GPHN: variants seen among roughly 807,000 people sequenced by gnomAD.
GPHN encodes the protein gephyrin.
Under a neutral mutation model 95.5 loss-of-function variants are expected in GPHN, and 17 were observed. The ratio of observed to expected loss-of-function variants is 0.18; its 90% CI spans 0.12 to 0.27. The LOEUF (loss-of-function observed/expected upper bound fraction) is 0.27. Ranked by LOEUF, GPHN falls within the 10% of genes least tolerant of loss-of-function variation. The probability of loss-of-function intolerance (pLI) is 1.00; values close to 1 mark genes in which losing one functional copy is unlikely to be tolerated. For synonymous variants in GPHN, 320 were observed against 322.5 expected, an observed-to-expected ratio of 0.99 and a Z score of 0.08; for missense variants, 660 against 978.1, an observed-to-expected ratio of 0.67 and a Z score of 4.34.
the GPHN span, chr14:67,613,691 C>G: frequency 1.8e-5 from 4 of 219,078 alleles, no homozygotes; most frequent in Non-Finnish European, 3.9e-5. Flanking sequence ...TACCCATAAA[C>G]ACTGCCATCA....
At chr14:67,088,617 G>T (rs931937517) in intron 11 of GPHN, among the ~76,000 whole-genome samples, 25 of 152,092 alleles carry the variant, frequency 1.6e-4, no homozygotes, top group Admixed American at 1.2e-3. Flanking sequence ...TAGATTTCTA[G>T]AAGTGAAACT....
intron 3 of GPHN, among the ~76,000 whole-genome samples, chr14:66,791,708 C>T (rs2059976175): frequency 6.6e-6 from 1 of 152,158 alleles, no homozygotes; most frequent in Non-Finnish European, 1.5e-5. Flanking sequence ...ACTGTCATTG[C>T]CATCTTGGTT....
chr14:67,107,776 A>G (rs1013753222), intron 13 of GPHN, among the ~76,000 whole-genome samples: 8 of 152,142 alleles, frequency 5.3e-5, no homozygotes, highest in African/African-American at 1.7e-4. Context: ...CAACACAGAA[A>G]TGACTCAACT....
At chr14:67,319,544 C>T in the GPHN span, among the ~76,000 whole-genome samples, 51 of 145,834 alleles carry the variant, frequency 3.5e-4, no homozygotes, top group South Asian at 1.5e-3. Context: ...CCCTGGGCCA[C>T]ATTAGAAGAA....
the GPHN span, among the ~76,000 whole-genome samples, chr14:67,221,020 G>T: frequency 6.6e-6 from 1 of 152,256 alleles, no homozygotes; most frequent in Admixed American, 6.5e-5. Flanking sequence ...AATGTGTCAA[G>T]AAATAAGAAT....
chr14:66,868,263 A>T (rs2063301470), intron 4 of GPHN, among the ~76,000 whole-genome samples: 1 of 152,206 alleles, frequency 6.6e-6, no homozygotes, highest in Non-Finnish European at 1.5e-5. Context: ...GAGTACTAAT[A>T]TATAAATTTG....
the GPHN span, chr14:67,575,847 C>T: frequency 1.2e-5 from 19 of 1,613,692 alleles, no homozygotes; most frequent in East Asian, 4.5e-5. Flanking sequence ...CCTGCCTGTG[C>T]GGGATGCGCA....
At chr14:67,084,636 C>T (rs978061850) in intron 11 of GPHN, among the ~76,000 whole-genome samples, 7 of 152,174 alleles carry the variant, frequency 4.6e-5, no homozygotes, top group East Asian at 1.9e-4. Context: ...CCAGGCCCTA[C>T]GGGTATTTTT....
At chr14:66,528,980 T>C (rs918067521) in intron 1 of GPHN, among the ~76,000 whole-genome samples, 3 of 152,206 alleles carry the variant, frequency 2.0e-5, no homozygotes, top group Non-Finnish European at 2.9e-5. Context: ...TGTGGTGTTC[T>C]CTGTATTTCC....
chr14:67,540,223 C>T, the GPHN span, among the ~76,000 whole-genome samples: 94,340 of 152,094 alleles, frequency 0.62, 29,584 homozygotes, highest in Non-Finnish European at 0.66. Flanking sequence ...AATCCTATTT[C>T]GTATATCTCC....
intron 8 of GPHN, among the ~76,000 whole-genome samples, chr14:66,936,743 A>G (rs553334494): frequency 3.3e-5 from 5 of 152,354 alleles, no homozygotes; most frequent in Admixed American, 6.5e-5. Flanking sequence ...ACAAGAATGG[A>G]AAGGACACAG....
intron 1 of GPHN, among the ~76,000 whole-genome samples, chr14:66,540,164 A>G (rs2059305428): frequency 6.6e-6 from 1 of 152,178 alleles, no homozygotes; most frequent in African/African-American, 2.4e-5. Context: ...TGCTCCACAT[A>G]TCTTCTAATT....
chr14:67,210,658 G>T, the GPHN span, among the ~76,000 whole-genome samples: 46,935 of 151,510 alleles, frequency 0.31, 11,151 homozygotes, highest in African/African-American at 0.64. Context: ...ACATATAATT[G>T]TAAAAGTAAA....
chr14:67,105,591 A>G (rs72715372), intron 13 of GPHN, among the ~76,000 whole-genome samples: 7,825 of 152,136 alleles, frequency 0.051, 221 homozygotes, highest in Middle Eastern at 0.068. Context: ...ATGACCTCTC[A>G]TATTTCTTTT....
Position 66,508,208 on chromosome 14 carries a change from C to A in GPHN, c.-320C>A. ...TCTCGCGCTCCGCAGAGCGTTCCGA[C>A]ACTCTCCGGCCTCGTTCTGCCGCCT... On this transcript the variant is annotated 5_prime_UTR_variant, in exon 1 of 23. Coordinates refer to ENST00000478722, the MANE Select transcript of GPHN (RefSeq NM_020806.5). The A allele has an allele frequency of 1.9e-6, 1 of 519,050 alleles. No individual in the cohort carries two copies. The highest frequency in any genetic ancestry group is 3.5e-6 in the Non-Finnish European group (1 of 285,454). The allele number at this position is 519,050 out of a possible 1,614,324, so 32.2% of individuals were successfully genotyped here.
intron 16 of GPHN, among the ~76,000 whole-genome samples, chr14:67,116,883 G>A (rs189960243): frequency 1.3e-3 from 202 of 152,196 alleles, no homozygotes; most frequent in Non-Finnish European, 2.4e-3. Context: ...TTAGCTTAAC[G>A]ATCAGTTAAA....
chr14:67,127,384 C>A (rs1475120649), intron 17 of GPHN, among the ~76,000 whole-genome samples: 1 of 151,744 alleles, frequency 6.6e-6, no homozygotes, highest in African/African-American at 2.4e-5. Context: ...ACATAAAAAA[C>A]AATTATTTTA....
intron 10 of GPHN, among the ~76,000 whole-genome samples, chr14:67,058,333 T>C (rs542361752): frequency 6.6e-6 from 1 of 152,188 alleles, no homozygotes; most frequent in South Asian, 2.1e-4. Flanking sequence ...ATAAGCAACT[T>C]TGTATATATT....
the GPHN span, chr14:67,332,748 A>G: frequency 6.3e-7 from 1 of 1,583,356 alleles, no homozygotes; most frequent in Non-Finnish European, 8.6e-7. Context: ...TAGGAAAGGA[A>G]TTATCTCACA....
Sources: allele counts gnomAD v4.1 joint callset (sites outside exome capture counted in the v4.1 genomes callset), GRCh38; gene constraint gnomAD v4.1.1; transcripts MANE v1.5; gene names NCBI Gene and HGNC (gene_info 2026-07-23, HGNC 2026-07-21).